CNTN4: variants seen among roughly 807,000 people sequenced by gnomAD.
CNTN4 encodes contactin 4.
In CNTN4, 77 loss-of-function variants were observed where a neutral mutation model predicts 122.5. The observed-to-expected ratio is 0.63, with a 90% CI of 0.52 to 0.76. The LOEUF (loss-of-function observed/expected upper bound fraction) is 0.76, where lower values mean the gene tolerates loss of function less well. Among genes scored for constraint, CNTN4 ranks in the 30% least tolerant of loss-of-function variants. The pLI is 0.00. For synonymous variants in CNTN4, 512 were observed against 447.0 expected, an observed-to-expected ratio of 1.15 and a Z score of -1.83; for missense variants, 1,256 against 1,259.1, an observed-to-expected ratio of 1.00 and a Z score of 0.04.
At chr3:2,966,448 G>A (rs192808367) in intron 13 of CNTN4, among the ~76,000 whole-genome samples, 77 of 152,244 alleles carry the variant, frequency 5.1e-4, no homozygotes, top group African/African-American at 1.8e-3. Context: ...TGAACTCGTG[G>A]AGACAGAAAG....
At position 2,737,722 on chromosome 3, in the gene CNTN4, A is replaced by G. The variant is rs1445368844; in HGVS notation, c.182+1381A>G. Reference sequence around the variant, plus strand: ...GCTTTGGTTTTCATGGCTTCAGAGAACAGAGGTCACAAGACAAAGCCTAGA... The same window carrying G: ...GCTTTGGTTTTCATGGCTTCAGAGAGCAGAGGTCACAAGACAAAGCCTAGA... On this transcript the variant is annotated intron_variant, in intron 5 of 24. Coordinates refer to ENST00000418658, the MANE Select transcript of CNTN4 (RefSeq NM_175607.3). 2.0e-5 allele frequency among the ~76,000 whole-genome samples: 3 copies of G among 152,196 alleles called. No homozygotes were observed. In the South Asian group the frequency reaches 6.2e-4, roughly 32 times the overall value.
chr3:2,563,582 CTACATTG>C (rs2079042120), intron 3 of CNTN4, among the ~76,000 whole-genome samples: 1 of 152,076 alleles, frequency 6.6e-6, no homozygotes, highest in African/African-American at 2.4e-5. Context: ...TGCTGATTTA[CTACATTG>C]TACTGTATAC....
At chr3:3,030,691 T>C (rs1312629755) in intron 15 of CNTN4, among the ~76,000 whole-genome samples, 164 bp from the exon 16 acceptor site, 2 of 152,212 alleles carry the variant, frequency 1.3e-5, no homozygotes, top group Non-Finnish European at 2.9e-5. Context: ...GGTGTTCCCA[T>C]CTCTCAGGCA....
intron 4 of CNTN4, among the ~76,000 whole-genome samples, chr3:2,618,876 AG>A (rs1176959349): frequency 6.6e-6 from 1 of 152,212 alleles, no homozygotes; most frequent in Non-Finnish European, 1.5e-5. Context: ...GTATTGTGGA[AG>A]GAGTGGTAAG....
intron 4 of CNTN4, among the ~76,000 whole-genome samples, chr3:2,615,029 G>C (rs2081652620): frequency 1.3e-5 from 2 of 152,122 alleles, no homozygotes; most frequent in Admixed American, 6.5e-5. Context: ...GACAAGCAGT[G>C]ACGGCTCATT....
At chr3:2,121,358 T>C (rs767422066) in intron 2 of CNTN4, among the ~76,000 whole-genome samples, 6 of 151,862 alleles carry the variant, frequency 4.0e-5, no homozygotes, top group Non-Finnish European at 8.8e-5. Context: ...ATTAGCCCGA[T>C]GTGGTGGCAC....
At chr3:2,294,696 C>A (rs1006959479) in intron 2 of CNTN4, among the ~76,000 whole-genome samples, 1 of 152,114 alleles carries the variant, frequency 6.6e-6, no homozygotes, top group Non-Finnish European at 1.5e-5. Flanking sequence ...TATTAATATA[C>A]TTTAAGTTTT....
At chr3:2,905,567 A>G (rs562622137) in intron 12 of CNTN4, among the ~76,000 whole-genome samples, 1 of 152,332 alleles carries the variant, frequency 6.6e-6, no homozygotes, top group African/African-American at 2.4e-5. Flanking sequence ...CCATCACCTT[A>G]GCGGTTAGGA....
intron 2 of CNTN4, among the ~76,000 whole-genome samples, chr3:2,206,375 T>C (rs1321196660): frequency 2.6e-5 from 4 of 152,136 alleles, no homozygotes; most frequent in African/African-American, 9.7e-5. Context: ...GTTCATTTCA[T>C]TTGTGAAGAA....
chr3:2,130,460 T>C (rs1309441843), intron 2 of CNTN4, among the ~76,000 whole-genome samples: 1 of 152,172 alleles, frequency 6.6e-6, no homozygotes, highest in African/African-American at 2.4e-5. Flanking sequence ...ATTCAGGTAA[T>C]AAAATAGAAT....
chr3:3,032,529 C>T (rs1184643182), intron 16 of CNTN4, among the ~76,000 whole-genome samples: 3 of 152,216 alleles, frequency 2.0e-5, no homozygotes, highest in Non-Finnish European at 4.4e-5. Flanking sequence ...TTATCTCCTT[C>T]TGCTCTGCCC....
intron 10 of CNTN4, among the ~76,000 whole-genome samples, chr3:2,895,836 C>A (rs920997135): frequency 6.6e-6 from 1 of 152,148 alleles, no homozygotes; most frequent in Non-Finnish European, 1.5e-5. Context: ...AGATCGAGAC[C>A]ATCCTGGCTA....
intron 6 of CNTN4, among the ~76,000 whole-genome samples, chr3:2,796,494 C>T (rs779342626): frequency 2.0e-5 from 3 of 151,952 alleles, no homozygotes; most frequent in South Asian, 4.1e-4. Context: ...CCTTATTTCT[C>T]TAAGAAAAAA....
chr3:2,173,326 G>C lies in CNTN4; in HGVS notation c.-145+72687G>C, dbSNP rs79743992. Among the ~76,000 whole-genome samples, 1,156 of 152,238 alleles carry C rather than the reference G, an allele frequency of 7.6e-3. 10 individuals are homozygous for C. Among genetic ancestry groups the C allele is most frequent in the Admixed American group, 0.024 (364 of 15,296 alleles). On this transcript the variant is annotated intron_variant, in intron 2 of 24. Coordinates refer to ENST00000418658, the MANE Select transcript of CNTN4 (RefSeq NM_175607.3). ...TAGCCGGTTGATGGACTTCAGCCAAGACATACAGAATGGTGAGAAGCCAGT... is the reference window on the plus strand; with the variant it reads ...TAGCCGGTTGATGGACTTCAGCCAACACATACAGAATGGTGAGAAGCCAGT...
intron 3 of CNTN4, among the ~76,000 whole-genome samples, chr3:2,343,178 T>C (rs986633965): frequency 6.6e-6 from 1 of 152,144 alleles, no homozygotes; most frequent in Non-Finnish European, 1.5e-5. Context: ...AGGGTAAACC[T>C]AAGGGCAATT....
chr3:2,672,368 G>A (rs565405305), intron 4 of CNTN4, among the ~76,000 whole-genome samples: 12 of 152,172 alleles, frequency 7.9e-5, no homozygotes, highest in South Asian at 6.2e-4. Context: ...TCAGACTGCC[G>A]TGCTAGCAAT....
chr3:2,429,443 G>T (rs989337053), intron 3 of CNTN4, among the ~76,000 whole-genome samples: 1 of 152,190 alleles, frequency 6.6e-6, no homozygotes, highest in African/African-American at 2.4e-5. Context: ...TCCTCTGGAA[G>T]CTTCGTCTCA....
At chr3:2,339,028 C>G (rs1200160599) in intron 2 of CNTN4, 150 bp from the exon 3 acceptor site, 2 of 152,114 alleles carry the variant, frequency 1.3e-5, no homozygotes, top group African/African-American at 2.4e-5. Context: ...AGCTGGAAAT[C>G]TATACCAAAT....
At chr3:2,543,895 A>G (rs964291060) in intron 3 of CNTN4, among the ~76,000 whole-genome samples, 1 of 152,114 alleles carries the variant, frequency 6.6e-6, no homozygotes. Context: ...TGGACTTTTA[A>G]AAAATCATTC....
Sources: allele counts gnomAD v4.1 joint callset (sites outside exome capture counted in the v4.1 genomes callset), GRCh38; gene constraint gnomAD v4.1.1; transcripts MANE v1.5; gene names NCBI Gene and HGNC (gene_info 2026-07-23, HGNC 2026-07-21).